Variants in CMTM8 observed in about 807,000 individuals in gnomAD.
CMTM8 encodes the protein CKLF-like MARVEL transmembrane domain-containing protein 8.
Under a neutral mutation model 18.6 loss-of-function variants are expected in CMTM8, and 12 were observed. That is an observed-to-expected ratio of 0.65 (90% CI 0.41 to 1.05). The LOEUF (loss-of-function observed/expected upper bound fraction) is 1.05. Ranked by LOEUF, CMTM8 falls within the 50% of genes least tolerant of loss-of-function variation. The probability of loss-of-function intolerance (pLI) is 0.00; values close to 1 mark genes in which losing one functional copy is unlikely to be tolerated. For missense variants in CMTM8, 217 were observed against 227.2 expected (o/e 0.95, Z 0.29); for synonymous variants, 87 against 90.6 (o/e 0.96, Z 0.23).
chr3:32,355,744 A>T (rs1334146092), intron 1 of CMTM8, among the ~76,000 whole-genome samples: 2 of 152,162 alleles, frequency 1.3e-5, no homozygotes, highest in Non-Finnish European at 2.9e-5. Flanking sequence ...GACCTTCCCC[A>T]GCTCTCTAAC....
intron 1 of CMTM8, among the ~76,000 whole-genome samples, chr3:32,247,301 A>G (rs1280191702): frequency 6.6e-6 from 1 of 151,850 alleles, no homozygotes; most frequent in Non-Finnish European, 1.5e-5. Context: ...AATTATCACC[A>G]CTGTCTTATT....
chr3:32,356,532 G>A (rs13075542), intron 1 of CMTM8, among the ~76,000 whole-genome samples: 1 of 152,120 alleles, frequency 6.6e-6, no homozygotes, highest in Non-Finnish European at 1.5e-5. Flanking sequence ...CTTGTCAGCA[G>A]TTGGATGACT....
intron 1 of CMTM8, among the ~76,000 whole-genome samples, chr3:32,350,851 G>T (rs1162545123): frequency 6.6e-6 from 1 of 151,764 alleles, no homozygotes; most frequent in African/African-American, 2.4e-5. Flanking sequence ...TAGAGGCGGG[G>T]TTTCACCATG....
intron 1 of CMTM8, among the ~76,000 whole-genome samples, chr3:32,342,709 A>G (rs993207575): frequency 2.0e-5 from 3 of 152,230 alleles, no homozygotes; most frequent in African/African-American, 7.2e-5. Context: ...CACAAGTGTA[A>G]AAAGCTTCAG....
chr3:32,348,093 G>T (rs1696635532), intron 1 of CMTM8, among the ~76,000 whole-genome samples: 1 of 152,018 alleles, frequency 6.6e-6, no homozygotes, highest in Non-Finnish European at 1.5e-5. Flanking sequence ...AGGGTGCATG[G>T]AAGGTAAATT....
intron 1 of CMTM8, among the ~76,000 whole-genome samples, chr3:32,240,586 C>T (rs1238627941): frequency 6.6e-6 from 1 of 152,134 alleles, no homozygotes; most frequent in African/African-American, 2.4e-5. Flanking sequence ...GTGTACTGCG[C>T]TTTTTCAGGA....
chr3:32,317,994 G>A (rs570133864), intron 1 of CMTM8, among the ~76,000 whole-genome samples: 1 of 146,480 alleles, frequency 6.8e-6, no homozygotes, highest in Non-Finnish European at 1.5e-5. Context: ...GACAGAGGTT[G>A]CAGTGAGCCC....
At chr3:32,331,859 T>C (rs1162896775) in intron 1 of CMTM8, among the ~76,000 whole-genome samples, 1 of 152,108 alleles carries the variant, frequency 6.6e-6, no homozygotes, top group Non-Finnish European at 1.5e-5. Flanking sequence ...GAATGAAAAG[T>C]AGAATGCCAA....
At chr3:32,281,514 G>C (rs1241200106) in intron 1 of CMTM8, among the ~76,000 whole-genome samples, 1 of 152,174 alleles carries the variant, frequency 6.6e-6, no homozygotes, top group Non-Finnish European at 1.5e-5. Context: ...ATAATATGCT[G>C]TGATGAATGC....
chr3:32,359,707 CTGATT>C (rs1176937006), intron 2 of CMTM8, among the ~76,000 whole-genome samples: 5 of 152,186 alleles, frequency 3.3e-5, no homozygotes, highest in Admixed American at 3.3e-4. Flanking sequence ...AACTCCTTCA[CTGATT>C]TATTACATTA....
chr3:32,305,742 T>G (rs1402820409), intron 1 of CMTM8, among the ~76,000 whole-genome samples: 2 of 152,244 alleles, frequency 1.3e-5, no homozygotes, highest in African/African-American at 4.8e-5. Flanking sequence ...CATTGTTCCA[T>G]GGAGGCCTCT....
chr3:32,238,912 G>A lies in CMTM8; in HGVS notation c.-61G>A, dbSNP rs1268403593. The A allele has an allele frequency of 1.4e-6, 2 of 1,467,872 alleles. No homozygotes were observed. Among genetic ancestry groups the A allele is most frequent in the East Asian group, 5.6e-5 (2 of 35,850 alleles). The allele number at this position is 1,467,872 out of a possible 1,614,324, so 90.9% of individuals were successfully genotyped here. A position where few individuals can be genotyped will look rare whatever the true frequency, so the allele number is the denominator to read the frequency against. On this transcript the variant is annotated 5_prime_UTR_variant, in exon 1 of 4. Transcript: ENST00000307526. ...CTGTGTCCCCAGGGCGCAGGGCCGC[G>A]CGTCCAGCCCCAGACCCGCCGGGGT...
Position 32,239,043 on chromosome 3 carries a change from C to A in CMTM8, c.71C>A (p.Ser24Tyr). The part of the protein sequence containing the change: ...TTASSFAENF[S>Y]TSSSSFAYDR... ...GCCAGCTCCTTCGCAGAGAACTTCTCCACCAGCAGCAGCAGCTTCGCCTAC... is the reference window on the plus strand; with the variant it reads ...GCCAGCTCCTTCGCAGAGAACTTCTACACCAGCAGCAGCAGCTTCGCCTAC... Residue 24 changes from serine (S) to tyrosine (Y), a missense_variant, in exon 1 of 4, where the codon TCC becomes TAC. Transcript: ENST00000307526. 6.3e-7 allele frequency: 1 copy of A among 1,588,182 alleles called. No homozygotes were observed. The highest frequency in any genetic ancestry group is 8.6e-7 in the Non-Finnish European group (1 of 1,167,936).
intron 1 of CMTM8, among the ~76,000 whole-genome samples, chr3:32,328,536 C>A (rs1559381018): frequency 2.9e-5 from 4 of 138,344 alleles, no homozygotes; most frequent in African/African-American, 2.7e-5. Flanking sequence ...GGCAACAGAG[C>A]AGGACCAAAA....
intron 1 of CMTM8, among the ~76,000 whole-genome samples, chr3:32,272,425 T>C (rs1170882228): frequency 6.6e-6 from 1 of 152,230 alleles, no homozygotes; most frequent in East Asian, 1.9e-4. Flanking sequence ...TTTTATTTCA[T>C]CTACTTCTAA....
chr3:32,357,256 T>C, intron 1 of CMTM8, 117 bp from the exon 2 acceptor site: 2 of 879,330 alleles, frequency 2.3e-6, no homozygotes, highest in East Asian at 5.1e-5. Context: ...AATAAATAAA[T>C]AAATAAGTTG....
intron 1 of CMTM8, among the ~76,000 whole-genome samples, chr3:32,266,317 C>T (rs1702343176): frequency 1.3e-5 from 2 of 152,150 alleles, no homozygotes; most frequent in Admixed American, 1.3e-4. Flanking sequence ...AATCAATAAA[C>T]ATAATCCTGC....
chr3:32,238,426 G>C (rs1448550756), upstream of CMTM8: 1 of 152,392 alleles, frequency 6.6e-6, no homozygotes, highest in South Asian at 2.1e-4. Flanking sequence ...TGCGGGCCTG[G>C]GCCAGGCGGG....
chr3:32,300,655 T>G (rs1695595835), intron 1 of CMTM8, among the ~76,000 whole-genome samples: 1 of 152,238 alleles, frequency 6.6e-6, no homozygotes, highest in African/African-American at 2.4e-5. Context: ...TATTTCATTT[T>G]ATGTTATAAA....
Sources: allele counts gnomAD v4.1 joint callset (sites outside exome capture counted in the v4.1 genomes callset), GRCh38; gene constraint gnomAD v4.1.1; transcripts MANE v1.5; gene names NCBI Gene and HGNC (gene_info 2026-07-23, HGNC 2026-07-21).